GIGYF1: variants seen among roughly 807,000 people sequenced by gnomAD.
The protein encoded by GIGYF1 is GRB10 interacting GYF protein 1.
A neutral mutation model predicts 147.1 loss-of-function variants in GIGYF1; 84 were observed. The observed-to-expected ratio is 0.57, with a 90% CI of 0.48 to 0.68. The LOEUF (loss-of-function observed/expected upper bound fraction) is 0.68, where lower values mean the gene tolerates loss of function less well. Among genes scored for constraint, GIGYF1 ranks in the 30% least tolerant of loss-of-function variants. The pLI, the probability that GIGYF1 is intolerant of heterozygous loss-of-function variation, is 0.00. For synonymous variants in GIGYF1, 752 were observed against 589.5 expected (o/e 1.28, Z -3.99); for missense variants, 1,485 against 1,393.7 (o/e 1.07, Z -1.04).
At chr7:100,683,688 C>G (rs541968558) in intron 19 of GIGYF1, 56 bp from the exon 20 acceptor site, 3 of 1,572,738 alleles carry the variant, frequency 1.9e-6, no homozygotes, top group Admixed American at 1.7e-5. Flanking sequence ...GCCCACTGAT[C>G]TAGTCCAGCC....
intron 14 of GIGYF1, 61 bp downstream of exon 14, chr7:100,684,988 G>C: frequency 1.3e-6 from 2 of 1,560,252 alleles, no homozygotes; most frequent in East Asian, 4.7e-5. Flanking sequence ...GCCGGGGCTG[G>C]GGCCAAGCAG....
chr7:100,694,004 G>C (rs986464233), intron 1 of GIGYF1, 106 bp downstream of exon 1: 2 of 147,432 alleles, frequency 1.4e-5, no homozygotes, highest in Non-Finnish European at 3.0e-5. Context: ...GCTGGCTCCG[G>C]CGCTTCTCTA....
In GIGYF1 at chr7:100,680,931, A is replaced by C. The variant is rs221791; in HGVS notation, c.*788T>G. 1 of 152,724 alleles carries C rather than the reference A, an allele frequency of 6.5e-6. No homozygotes were observed. The highest frequency in any genetic ancestry group is 6.5e-5 in the Admixed American group (1 of 15,288). The allele number at this position is 152,724 out of a possible 1,614,324, so 9.5% of individuals were successfully genotyped here. On this transcript the variant is annotated 3_prime_UTR_variant, in exon 27 of 27. Coordinates refer to ENST00000678049, the MANE Select transcript of GIGYF1 (RefSeq NM_001375765.1). ...GCAGTGGGAGACGCCCCTCACCAGA[A>C]CCAGAGTCCTGCTGCCCCACCCTGC...
chr7:100,681,237 G>C lies in GIGYF1; in HGVS notation c.*482C>G, dbSNP rs1429054988. The C allele has an allele frequency of 6.6e-6, 1 of 152,614 alleles. No individual in the cohort carries two copies. The highest frequency in any genetic ancestry group is 1.5e-5 in the Non-Finnish European group (1 of 68,136). The allele number at this position is 152,614 out of a possible 1,614,324, so 9.5% of individuals were successfully genotyped here. A position where few individuals can be genotyped will look rare whatever the true frequency, so the allele number is the denominator to read the frequency against. On this transcript the variant is annotated 3_prime_UTR_variant, in exon 27 of 27. Transcript: ENST00000678049. ...GCCCGCCTTCTGGGGGGTAAGTATG[G>C]CCTTGGGGGCCAGGCAGGACAGGTC...
chr7:100,693,301 T>G (rs115905345), intron 1 of GIGYF1, among the ~76,000 whole-genome samples: 33,865 of 151,618 alleles, frequency 0.22, 3,807 homozygotes, highest in Non-Finnish European at 0.24. Context: ...TTTTTTGTTT[T>G]TTTTTTTTTT....
rs901416170 is a variant in GIGYF1, at chr7:100,680,181, A to T, written c.*1538T>A. ...ACTTTGGTGCAAAAAAAAAAAAAAA[A>T]AAAAAAAAATCCAACAACAGAAAAC... On this transcript the variant is annotated 3_prime_UTR_variant, in exon 27 of 27. Transcript: ENST00000678049. 2.6e-5 allele frequency: 4 copies of T among 152,046 alleles called. No homozygotes were observed. The highest frequency in any genetic ancestry group is 5.9e-5 in the Non-Finnish European group (4 of 67,952). 9.4% of individuals were successfully genotyped at this position (152,046 alleles called of 1,614,324 possible).
intron 12 of GIGYF1, among the ~76,000 whole-genome samples, chr7:100,685,720 A>T (rs988834853): frequency 1.3e-5 from 2 of 152,132 alleles, no homozygotes; most frequent in Non-Finnish European, 1.5e-5. Context: ...AACACCGCAG[A>T]CGTCACTCCA....
In GIGYF1 at chr7:100,683,319, C is replaced by G; in HGVS notation, c.2178G>C (p.Leu726=). The G allele has an allele frequency of 6.2e-7, 1 of 1,613,898 alleles. No homozygotes were observed. Among genetic ancestry groups the G allele is most frequent in the Non-Finnish European group, 8.5e-7 (1 of 1,180,036 alleles). Residue 726 remains leucine, a synonymous_variant, in exon 21 of 27, where the codon CTG becomes CTC. Coordinates refer to ENST00000678049, the MANE Select transcript of GIGYF1 (RefSeq NM_001375765.1). ...GAGCACCCACGTGCTTGCGCCGAAA[C>G]AGCTCTTCCTCCTCCTGCCGCCGCT... ...EQKRRQEEEE[L]FRRKHVRQQE... is the part of the protein sequence containing the mutation.
rs200150286 is a variant in GIGYF1 at position 100,687,972 on chromosome 7, C to T, written c.165+9G>A. On this transcript the variant is annotated intron_variant, in intron 5 of 26. Coordinates refer to ENST00000678049, the MANE Select transcript of GIGYF1 (RefSeq NM_001375765.1). The stretch of plus-strand genomic sequence containing the variant: ...CACCACCGCCAACCCCCCTCGCCCA[C>T]GCACCCACCTTGTTCTCCTTGACGT... 1.8e-4 allele frequency: 294 copies of T among 1,610,290 alleles called. 2 individuals carry two copies. Among genetic ancestry groups the T allele is most frequent in the Middle Eastern group, 6.6e-4 (4 of 6,046 alleles).
At position 100,693,135 on chromosome 7, in the gene GIGYF1, G is replaced by GA. The variant is rs553620162; in HGVS notation, c.-1099+974dup. 9.7e-4 allele frequency among the ~76,000 whole-genome samples: 145 copies of GA among 149,242 alleles called. 1 individual carries two copies. The highest frequency in any genetic ancestry group is 2.4e-3 in the African/African-American group (99 of 40,746). ...GAGGGAAGTAAGGCTTGGGTGGCTG[G>GA]AAAAAAAAAATCCAATCCAGCTAAC... On this transcript the variant is annotated intron_variant, in intron 1 of 26. Transcript: ENST00000678049.
rs763206122 is a variant in GIGYF1 at position 100,684,005 on chromosome 7, G to A, written c.1868+15C>T. The A allele has an allele frequency of 6.3e-5, 100 of 1,590,960 alleles. No individual in the cohort carries two copies. Among genetic ancestry groups the A allele is most frequent in the Admixed American group, 1.7e-4 (10 of 58,616 alleles). ...CCCCCACCCTGTATCCTGAGGGCTC[G>A]CACGCACCACGCACCTGGGGGGTTT... On this transcript the variant is annotated intron_variant, in intron 18 of 26. Transcript: ENST00000678049.
At chr7:100,685,630 A>G in intron 12 of GIGYF1, 149 bp from the exon 13 acceptor site, 2 of 858,930 alleles carry the variant, frequency 2.3e-6, no homozygotes, top group Non-Finnish European at 3.5e-6. Flanking sequence ...CTAATGGCAG[A>G]GGGAATGCGG....
rs751175112 is a variant in GIGYF1, at chr7:100,682,696, C to G, written c.2494G>C (p.Gly832Arg). ...AGCCCCAGGCCGCTGCTGCCGCCCC[C>G]ACTCTTGTCTGGCCCGCCCCACAGT... ...GPLWGGPDKS[G>R]GGSSGLGLWE... Residue 832 changes from glycine (G) to arginine (R), a missense_variant, in exon 23 of 27, where the codon GGG becomes CGG. By Grantham distance (125) the Gly-to-Arg change is moderately radical (BLOSUM62 -2). Coordinates refer to ENST00000678049, the MANE Select transcript of GIGYF1 (RefSeq NM_001375765.1). The G allele has an allele frequency of 2.6e-5, 41 of 1,598,122 alleles. No homozygotes were observed. Among genetic ancestry groups the G allele is most frequent in the Non-Finnish European group, 3.3e-5 (39 of 1,172,682 alleles).
In GIGYF1 at chr7:100,686,873, C is replaced by T. The variant is rs1423069941; in HGVS notation, c.524-54G>A. Reference sequence around the variant, plus strand: ...TTAGAAAGGCAGCGTGGTGCCTGGACCCTCAAGAAACGTTGGGGGGGCCAG... The same window carrying T: ...TTAGAAAGGCAGCGTGGTGCCTGGATCCTCAAGAAACGTTGGGGGGGCCAG... On this transcript the variant is annotated intron_variant, in intron 9 of 26. Transcript: ENST00000678049. The T allele has an allele frequency of 3.3e-6, 5 of 1,523,012 alleles. No individual in the cohort carries two copies. The East Asian group carries it at 1.2e-4, about 36-fold the overall frequency. The allele number at this position is 1,523,012 out of a possible 1,614,324, so 94.3% of individuals were successfully genotyped here.
chr7:100,686,105 G>A lies in GIGYF1; in HGVS notation c.949-26C>T, dbSNP rs201004664. 5.0e-6 allele frequency: 8 copies of A among 1,597,214 alleles called. No homozygotes were observed. In the East Asian group the frequency reaches 9.0e-5, roughly 18 times the overall value. ...CTGCATGGGGCCGGGGTGGGGAGCA[G>A]AGAACAGCTGGGGTGGGTGGGGAGG... On this transcript the variant is annotated intron_variant, in intron 11 of 26. Transcript: ENST00000678049.
At position 100,681,753 on chromosome 7, in the gene GIGYF1, G is replaced by C. The variant is rs201843233; in HGVS notation, c.3074C>G (p.Ser1025Cys). The C allele has an allele frequency of 6.3e-7, 1 of 1,584,628 alleles. No individual in the cohort carries two copies. The highest frequency in any genetic ancestry group is 8.6e-7 in the Non-Finnish European group (1 of 1,164,588). ...ATCCACGCTCTCGATCTCACCAGAA[G>C]ATCCGTGCAGGGAGTACCCTGAAGC... ...PSILGYSLHGSSGEIESVDDY is the reference protein window; with the variant it reads ...PSILGYSLHGCSGEIESVDDY Residue 1025 changes from serine (S) to cysteine (C), a missense_variant, in exon 27 of 27, where the codon TCT becomes TGT. Transcript: ENST00000678049.
intron 1 of GIGYF1, among the ~76,000 whole-genome samples, chr7:100,689,897 CCT>C (rs1219611422): frequency 6.6e-6 from 1 of 152,180 alleles, no homozygotes; most frequent in Non-Finnish European, 1.5e-5. Context: ...GAGAGCTACC[CCT>C]TACTTCTCTT....
intron 18 of GIGYF1, 46 bp downstream of exon 18, chr7:100,683,974 A>G: frequency 1.4e-6 from 1 of 725,392 alleles, no homozygotes; most frequent in Non-Finnish European, 2.2e-6. Context: ...GTCTGCCCCC[A>G]TCCCCCCCCC....
Position 100,684,326 on chromosome 7 carries a change from G to A in GIGYF1, c.1641C>T (p.Asp547=). The change falls in exon 17 of 27, where the codon GAC becomes GAT. Residue 547 remains aspartate (D), a synonymous_variant. Coordinates refer to ENST00000678049, the MANE Select transcript of GIGYF1 (RefSeq NM_001375765.1). ...CCTGTTGCTTCTTCAGCCGCTCCTG[G>A]TCCATGTTTCCCTGCTCAGGTGAGA... The part of the protein sequence containing the change: ...PSPPPLLGNM[D]QERLKKQQEL... The A allele has an allele frequency of 1.3e-6, 2 of 1,597,364 alleles. No homozygotes were observed. Among genetic ancestry groups the A allele is most frequent in the South Asian group, 1.1e-5 (1 of 89,040 alleles).
Sources: allele counts gnomAD v4.1 joint callset (sites outside exome capture counted in the v4.1 genomes callset), GRCh38; gene constraint gnomAD v4.1.1; transcripts MANE v1.5; gene names NCBI Gene and HGNC (gene_info 2026-07-23, HGNC 2026-07-21).